Variants in CLSPN observed in about 807,000 individuals in gnomAD.
CLSPN encodes the protein claspin homolog.
A neutral mutation model predicts 156.3 loss-of-function variants in CLSPN; 85 were observed. That is an observed-to-expected ratio of 0.54 (90% confidence interval 0.46 to 0.65). The LOEUF (loss-of-function observed/expected upper bound fraction) is 0.65. CLSPN is among the 30% of genes least tolerant of loss of function. CLSPN has a pLI of 0.00. For missense variants in CLSPN, 1,407 were observed against 1,554.9 expected, an observed-to-expected ratio of 0.90 and a Z score of 1.60; for synonymous variants, 534 against 542.4, an observed-to-expected ratio of 0.98 and a Z score of 0.22.
chr1:35,757,673 C>T (rs917312438), intron 8 of CLSPN, among the ~76,000 whole-genome samples: 9 of 152,226 alleles, frequency 5.9e-5, no homozygotes, highest in African/African-American at 2.2e-4. Flanking sequence ...CAGTCTAGGA[C>T]TGTTTAGGTA....
Position 35,733,038 on chromosome 1 carries a change from C to T in CLSPN, c.*3458G>A. 1.3e-6 allele frequency: 1 copy of T among 763,520 alleles called. No individual in the cohort carries two copies. Among genetic ancestry groups the T allele is most frequent in the Non-Finnish European group, 1.6e-6 (1 of 627,934 alleles). The allele number at this position is 763,520 out of a possible 1,614,324, so 47.3% of individuals were successfully genotyped here. On this transcript the variant is annotated 3_prime_UTR_variant, in exon 25 of 25. Coordinates refer to ENST00000318121, the MANE Select transcript of CLSPN (RefSeq NM_022111.4). ...GGAGAGCAGTGGCGTGATCTCGGCT[C>T]ACTGCAACCTCTGCCTCCCAGGTTC...
intron 16 of CLSPN, 69 bp from the exon 17 acceptor site, chr1:35,743,599 T>C: frequency 1.5e-6 from 2 of 1,301,212 alleles, no homozygotes; most frequent in Non-Finnish European, 2.2e-6. Context: ...AGCCAAGTTA[T>C]GAATTAAAAA....
intron 9 of CLSPN, among the ~76,000 whole-genome samples, chr1:35,752,935 C>A (rs1242903981): frequency 1.3e-5 from 2 of 152,110 alleles, no homozygotes; most frequent in African/African-American, 4.8e-5. Context: ...TTTGGGAAGA[C>A]TAGTTTTTCA....
rs146175208 is a variant in CLSPN at position 35,765,249 on chromosome 1, G to T, written c.102C>A (p.Ser34Arg). 27 of 1,613,338 alleles carry T rather than the reference G, an allele frequency of 1.7e-5. No individual in the cohort carries two copies. The highest frequency in any genetic ancestry group is 2.1e-5 in the Non-Finnish European group (25 of 1,179,606). ...ADSPSDSGQG[S>R]YETIGPLSEG... ...CACTCAAGGGTCCAATTGTTTCATA[G>T]CTGCCCTGTCCACTATCTGAAGGAC... Residue 34 changes from serine (S) to arginine (R), a missense_variant, in exon 2 of 25, where the codon AGC becomes AGA. Ser to Arg is a moderately radical substitution (Grantham distance 110, BLOSUM62 -1). Transcript: ENST00000318121.
rs372053463 is a variant in CLSPN, at chr1:35,745,457, G to A, written c.2960C>T (p.Thr987Ile). 1.2e-6 allele frequency: 2 copies of A among 1,609,298 alleles called. No homozygotes were observed. The highest frequency in any genetic ancestry group is 1.3e-5 in the African/African-American group (1 of 74,842). ...CCAGCAATCTGAGACTTACTTGTCT[G>A]TGGGAAAAGAGCCTGAGCAAAGAGC... ...ALALCSGSFPTDKEEEDEEEE... is the reference protein window; with the variant it reads ...ALALCSGSFPIDKEEEDEEEE... Residue 987 changes from threonine to isoleucine, a missense_variant, in exon 16 of 25, where the codon ACA becomes ATA. Thr to Ile is a moderately conservative substitution (Grantham distance 89). This residue lies in a region of CLSPN where 1,096 missense variants were observed against 1,193.0 expected (regional missense o/e 0.92). Transcript: ENST00000318121.
At position 35,748,539 on chromosome 1, in the gene CLSPN, C is replaced by T; in HGVS notation, c.2338G>A (p.Gly780Ser). Residue 780 changes from glycine (G) to serine (S), a missense_variant, in exon 13 of 25, where the codon GGC becomes AGC. Physicochemically the swap from Gly to Ser is moderately conservative, Grantham distance 56. This residue lies in a region of CLSPN where 1,096 missense variants were observed against 1,193.0 expected (regional missense o/e 0.92). Transcript: ENST00000318121. Reference protein sequence around the residue: ...SSHNSSFELIGSTIPSYQPCN... With the variant: ...SSHNSSFELISSTIPSYQPCN... ...GGCTGATAGGATGGAATCGTGGAGC[C>T]AATCAGCTCAAAGCTGCTATTGTGG... 1.2e-6 allele frequency: 2 copies of T among 1,614,154 alleles called. No homozygotes were observed. The highest frequency in any genetic ancestry group is 2.2e-5 in the South Asian group (2 of 91,082).
intron 13 of CLSPN, 105 bp from the exon 14 acceptor site, chr1:35,748,166 G>A (rs1641955862): frequency 7.5e-7 from 1 of 1,327,978 alleles, no homozygotes; most frequent in African/African-American, 1.5e-5. Flanking sequence ...GCTACTCTCA[G>A]GAAATTGTAG....
chr1:35,738,531 G>T lies in CLSPN; in HGVS notation c.3482C>A (p.Thr1161Asn). ...TTCTGACTCATCAAGCTGTTCTTCA[G>T]TCTGATCATCATCAGAGTCTCTGTG... ...LFHRDSDDDQ[T>N]EEQLDESEAR... Residue 1161 changes from threonine to asparagine, a missense_variant, in exon 21 of 25, where the codon ACT (threonine) becomes AAT (asparagine). Around this residue, in one of 3 missense-constraint regions of CLSPN, gnomAD observed 241 missense variants for 240.5 expected, o/e 1.00. Coordinates refer to ENST00000318121, the MANE Select transcript of CLSPN (RefSeq NM_022111.4). 1 of 1,613,756 alleles carries T rather than the reference G, an allele frequency of 6.2e-7. No homozygotes were observed.
rs1019521084 is a variant in CLSPN, at chr1:35,735,734, C to G, written c.*762G>C. 7.1e-6 allele frequency: 7 copies of G among 984,424 alleles called. No individual in the cohort carries two copies. The African/African-American group carries it at 1.1e-4, about 15-fold the overall frequency. The allele number at this position is 984,424 out of a possible 1,614,324, so 61.0% of individuals were successfully genotyped here. Reference sequence around the variant, plus strand: ...AAAAAAAAAAGAAATCTTTCTTTCACCGAGCCCTGGTCATCATGGTACGTA... The same window carrying G: ...AAAAAAAAAAGAAATCTTTCTTTCAGCGAGCCCTGGTCATCATGGTACGTA... On this transcript the variant is annotated 3_prime_UTR_variant, in exon 25 of 25. Transcript: ENST00000318121.
chr1:35,764,343 AT>A lies in CLSPN; in HGVS notation c.504del (p.Lys168AsnfsTer19). 6.3e-7 allele frequency: 1 copy of A among 1,599,446 alleles called. No homozygotes were observed. ...KEGTAGKAKVKSKRRLEKEER... is the reference protein window; with the variant it reads ...KEGTAGKAKVXSKRRLEKEER... ...TCCTCTTTCTCAAGTCTTCTTTTTG[AT>A]TTTACTTTTGCTTTTCCTGCAGTTC... On this transcript the variant is annotated frameshift_variant, in exon 3 of 25. Coordinates refer to ENST00000318121, the MANE Select transcript of CLSPN (RefSeq NM_022111.4). LOFTEE classifies it high-confidence loss of function.
At position 35,743,253 on chromosome 1, in the gene CLSPN, G is replaced by A; in HGVS notation, c.3043-12C>T. ...TCACTGTGTTCATCCTACAAAATCAGCATCATATCCAAATTAAGCAGAATA... is the reference window on the plus strand; with the variant it reads ...TCACTGTGTTCATCCTACAAAATCAACATCATATCCAAATTAAGCAGAATA... On this transcript the variant is annotated splice_polypyrimidine_tract_variant and intron_variant, in intron 17 of 24. Transcript: ENST00000318121. 3.1e-6 allele frequency: 5 copies of A among 1,597,180 alleles called. No individual in the cohort carries two copies. The highest frequency in any genetic ancestry group is 4.3e-6 in the Non-Finnish European group (5 of 1,165,242).
downstream of CLSPN, among the ~76,000 whole-genome samples, chr1:35,729,620 G>A (rs1276624194): frequency 6.6e-6 from 1 of 152,164 alleles, no homozygotes; most frequent in Non-Finnish European, 1.5e-5. Flanking sequence ...CCATACACAA[G>A]CCACGTCTAT....
rs980076609 is a variant in CLSPN at position 35,732,141 on chromosome 1, G to C, written c.*4355C>G. ...AGGTGTAGTGTTATTTATTCAAACT[G>C]TGGTAGGCACCACTACATTCCAAGC... On this transcript the variant is annotated 3_prime_UTR_variant, in exon 25 of 25. Coordinates refer to ENST00000318121, the MANE Select transcript of CLSPN (RefSeq NM_022111.4). The C allele has an allele frequency of 1.2e-5, 12 of 983,756 alleles. No individual in the cohort carries two copies. The highest frequency in any genetic ancestry group is 3.5e-5 in the African/African-American group (2 of 57,196). 60.9% of individuals were successfully genotyped at this position (983,756 alleles called of 1,614,324 possible). A position where few individuals can be genotyped will look rare whatever the true frequency, so the allele number is the denominator to read the frequency against.
downstream of CLSPN, among the ~76,000 whole-genome samples, chr1:35,729,285 C>A (rs550285216): frequency 6.6e-6 from 1 of 152,148 alleles, no homozygotes; most frequent in Non-Finnish European, 1.5e-5. Context: ...GCCTCTTCAA[C>A]CCTACATCTA....
At chr1:35,738,353 CCTAAGATTTTGAAACTATCATGACAAG>C (rs1213859972) in intron 21 of CLSPN, 75 bp downstream of exon 21, 14 of 1,239,622 alleles carry the variant, frequency 1.1e-5, no homozygotes, top group African/African-American at 1.5e-5. Flanking sequence ...CAATATGTTG[CCTAAGATTTTGAAACTATCATGACAAG>C]CTAAGATTTT....
In CLSPN at chr1:35,739,179, G is replaced by A. The variant is rs376398678; in HGVS notation, c.3387C>T (p.Ser1129=). The change falls in exon 20 of 25, where the codon AGC becomes AGT. Residue 1129 remains serine (S), a synonymous_variant. Transcript: ENST00000318121. ...ACTTCCTCATTCGCCCAGGACCATC[G>A]CTGTGCAGATCCCCATCAGCAAGGT... ...ERYLADGDLH[S]DGPGRMRKFR... 102 of 1,613,978 alleles carry A rather than the reference G, an allele frequency of 6.3e-5. No individual in the cohort carries two copies. The highest frequency in any genetic ancestry group is 3.1e-4 in the African/African-American group (23 of 74,892).
chr1:35,745,292 G>A (rs1051372403), intron 16 of CLSPN, among the ~76,000 whole-genome samples, 159 bp downstream of exon 16: 2 of 152,022 alleles, frequency 1.3e-5, no homozygotes, highest in African/African-American at 4.8e-5. Context: ...TTTTTACCCT[G>A]TTCTCCACCA....
At position 35,733,470 on chromosome 1, in the gene CLSPN, A is replaced by G. The variant is rs1641369681; in HGVS notation, c.*3026T>C. ...TGAATTTTCTTATCCTCAGTTGTCA[A>G]TTCCAATTGTCTTTTCTATCTCTCC... On this transcript the variant is annotated 3_prime_UTR_variant, in exon 25 of 25. Transcript: ENST00000318121. 1 of 985,024 alleles carries G rather than the reference A, an allele frequency of 1.0e-6. No individual in the cohort carries two copies. Among genetic ancestry groups the G allele is most frequent in the African/African-American group, 1.7e-5 (1 of 57,148 alleles). The allele number at this position is 985,024 out of a possible 1,614,324, so 61.0% of individuals were successfully genotyped here.
At chr1:35,739,657 T>C (rs1641624754) in intron 18 of CLSPN, 128 bp from the exon 19 acceptor site, 2 of 654,688 alleles carry the variant, frequency 3.1e-6, no homozygotes, top group Admixed American at 7.1e-5. Context: ...ATATTTAAAT[T>C]TTTTTGTAAT....
Sources: allele counts gnomAD v4.1 joint callset (sites outside exome capture counted in the v4.1 genomes callset), GRCh38; gene constraint gnomAD v4.1.1; regional missense constraint gnomAD v4.1.1; transcripts MANE v1.5; gene names NCBI Gene and HGNC (gene_info 2026-07-23, HGNC 2026-07-21).